The following EPS15 variants were observed in gnomAD, a reference collection of about 807,000 sequenced individuals.
The protein encoded by EPS15 is epidermal growth factor receptor pathway substrate 15.
In EPS15, 72 loss-of-function variants were observed where a neutral mutation model predicts 113.8. The ratio of observed to expected loss-of-function variants is 0.63; its 90% CI spans 0.52 to 0.77. The LOEUF is 0.77. Among genes scored for constraint, EPS15 ranks in the 30% least tolerant of loss-of-function variants. The probability of loss-of-function intolerance (pLI) is 0.00; values close to 1 mark genes in which losing one functional copy is unlikely to be tolerated. For synonymous variants in EPS15, 344 were observed against 363.4 expected (o/e 0.95, Z 0.61); for missense variants, 1,048 against 1,045.8 (o/e 1.00, Z -0.03).
At chr1:51,413,595 G>C (rs1010981409) in intron 13 of EPS15, among the ~76,000 whole-genome samples, 8 of 152,174 alleles carry the variant, frequency 5.3e-5, no homozygotes, top group Middle Eastern at 3.4e-3. Context: ...ACCCCAAACT[G>C]ACCTATGACA....
At chr1:51,455,411 G>A (rs1237638386) in intron 8 of EPS15, among the ~76,000 whole-genome samples, 5 of 152,120 alleles carry the variant, frequency 3.3e-5, no homozygotes, top group East Asian at 1.9e-4. Context: ...CCAACACGGC[G>A]AAACCCCATC....
At chr1:51,381,590 C>T (rs531436231) in intron 21 of EPS15, among the ~76,000 whole-genome samples, 4 of 152,106 alleles carry the variant, frequency 2.6e-5, no homozygotes, top group Admixed American at 2.0e-4. Flanking sequence ...GAGGCTCTAT[C>T]TCAAAATAAA....
chr1:51,435,918 T>C (rs746558102), intron 12 of EPS15, among the ~76,000 whole-genome samples: 5 of 152,114 alleles, frequency 3.3e-5, no homozygotes, highest in Admixed American at 1.3e-4. Context: ...CAAAACTTTA[T>C]AAGGTAAAAG....
intron 10 of EPS15, among the ~76,000 whole-genome samples, chr1:51,445,629 C>A (rs1443140850): frequency 6.6e-6 from 1 of 150,642 alleles, no homozygotes; most frequent in Non-Finnish European, 1.5e-5. Context: ...ACTCTACTTT[C>A]TTTTTCTGTA....
intron 8 of EPS15, chr1:51,458,554 C>T (rs6672300): frequency 0.22 from 96,167 of 440,486 alleles, 13,836 homozygotes; most frequent in African/African-American, 0.52. Flanking sequence ...CTGGCAAACA[C>T]GGCGAAACGC....
chr1:51,377,564 G>A (rs913051378), intron 21 of EPS15, among the ~76,000 whole-genome samples: 1 of 152,160 alleles, frequency 6.6e-6, no homozygotes, highest in Non-Finnish European at 1.5e-5. Flanking sequence ...AAGATGCTGT[G>A]AACATTGTTA....
In EPS15 at chr1:51,408,242, G is replaced by A. The variant is rs1363504294; in HGVS notation, c.1366C>T (p.Arg456Cys). Residue 456 changes from arginine (R) to cysteine (C), a missense_variant, in exon 15 of 25, where the codon CGT becomes TGT. By Grantham distance (180) the Arg-to-Cys change is radical. Transcript: ENST00000371733. ...AATTCTGCTGTTTCTTGCTGTAGAC[G>A]GCTCAGCTCTTCTCTAGCTTTTGCC... ...ELAKAREELS[R>C]LQQETAELEE... 2.5e-6 allele frequency: 4 copies of A among 1,613,722 alleles called. No individual in the cohort carries two copies. The highest frequency in any genetic ancestry group is 1.1e-5 in the South Asian group (1 of 91,082).
chr1:51,409,939 A>G (rs957896467), intron 13 of EPS15, among the ~76,000 whole-genome samples: 10 of 151,830 alleles, frequency 6.6e-5, no homozygotes, highest in African/African-American at 2.4e-4. Flanking sequence ...CTTTGCTAAC[A>G]TGTTGAAAAT....
At chr1:51,387,022 T>C (rs956418490) in intron 21 of EPS15, among the ~76,000 whole-genome samples, 3 of 152,002 alleles carry the variant, frequency 2.0e-5, no homozygotes. Context: ...AATTATCAGA[T>C]TCACCAAAGT....
intron 10 of EPS15, among the ~76,000 whole-genome samples, chr1:51,446,737 G>A (rs1465379346): frequency 2.6e-5 from 4 of 152,142 alleles, no homozygotes; most frequent in Non-Finnish European, 5.9e-5. Flanking sequence ...TTACAGGCGT[G>A]AGCCACCATG....
rs199978229 is a variant in EPS15 at position 51,355,883 on chromosome 1, A to C, written c.*817T>G. The C allele has an allele frequency of 3.3e-4, 66 of 197,226 alleles. No individual in the cohort carries two copies. In the East Asian group the frequency reaches 5.2e-3, roughly 16 times the overall value. 12.2% of individuals were successfully genotyped at this position (197,226 alleles called of 1,614,324 possible). On this transcript the variant is annotated 3_prime_UTR_variant, in exon 25 of 25. Coordinates refer to ENST00000371733, the MANE Select transcript of EPS15 (RefSeq NM_001981.3). Reference sequence around the variant, plus strand: ...TAAGACTTTTGCTTGCCTTATACTGATGGGTATATTTTAGGTGATAAATTT... The same window carrying C: ...TAAGACTTTTGCTTGCCTTATACTGCTGGGTATATTTTAGGTGATAAATTT...
chr1:51,375,142 C>T (rs1261354310), intron 21 of EPS15, among the ~76,000 whole-genome samples: 3 of 151,674 alleles, frequency 2.0e-5, no homozygotes, highest in Admixed American at 2.0e-4. Flanking sequence ...GCTGGGACTA[C>T]AGGTGCCCGC....
At chr1:51,413,815 C>T (rs866497828) in intron 13 of EPS15, among the ~76,000 whole-genome samples, 3 of 152,086 alleles carry the variant, frequency 2.0e-5, no homozygotes, top group African/African-American at 7.2e-5. Flanking sequence ...GTGGTATAAT[C>T]ACGGCTCACT....
Position 51,447,081 on chromosome 1 carries a change from C to T in EPS15, c.676G>A (p.Ala226Thr). 1 of 1,613,240 alleles carries T rather than the reference C, an allele frequency of 6.2e-7. No homozygotes were observed. The highest frequency in any genetic ancestry group is 1.3e-5 in the African/African-American group (1 of 74,994). The stretch of plus-strand genomic sequence containing the variant: ...TTCAGGAAGATTTCATCATATTTAG[C>T]TTTTTCTGCAGGGGATACAACCCAC... ...KTWVVSPAEKAKYDEIFLKTD... is the reference protein window; with the variant it reads ...KTWVVSPAEKTKYDEIFLKTD... Residue 226 changes from alanine to threonine, a missense_variant, in exon 10 of 25, where the codon GCT becomes ACT. Transcript: ENST00000371733.
At chr1:51,466,098 T>C (rs1294480583) in intron 5 of EPS15, among the ~76,000 whole-genome samples, 1 of 147,580 alleles carries the variant, frequency 6.8e-6, no homozygotes, top group Admixed American at 6.9e-5. Flanking sequence ...AAAAAACATG[T>C]CACCAAATAT....
rs373528900 is a variant in EPS15 at position 51,421,061 on chromosome 1, G to A, written c.1113+725C>T. Among the ~76,000 whole-genome samples the A allele has an allele frequency of 2.6e-5, 4 of 152,110 alleles. No individual in the cohort carries two copies. In the East Asian group the frequency reaches 7.7e-4, roughly 29 times the overall value. ...AAGGAAACAGTACCCCAATAACATG[G>A]CCACATGCATTGCTTACTGCTCTAA... On this transcript the variant is annotated intron_variant, in intron 13 of 24. Transcript: ENST00000371733.
At chr1:51,465,015 G>A (rs1193176853) in intron 6 of EPS15, among the ~76,000 whole-genome samples, 1 of 152,154 alleles carries the variant, frequency 6.6e-6, no homozygotes, top group Admixed American at 6.5e-5. Flanking sequence ...AAATATTTTA[G>A]TTAATACAAG....
intron 21 of EPS15, among the ~76,000 whole-genome samples, chr1:51,380,259 G>T (rs921736067): frequency 1.3e-5 from 2 of 151,818 alleles, no homozygotes; most frequent in Non-Finnish European, 2.9e-5. Context: ...ATGCTAAAGG[G>T]AGTCATTCAA....
intron 8 of EPS15, chr1:51,458,744 A>T (rs1221254120): frequency 8.4e-6 from 2 of 238,526 alleles, no homozygotes; most frequent in South Asian, 7.2e-5. Context: ...CTAAAAAAAA[A>T]AAAAATTTGT....
Sources: gnomAD v4.1 joint callset for allele counts (sites outside exome capture counted in the v4.1 genomes callset) on GRCh38, gnomAD v4.1.1 for gene constraint, MANE v1.5 for transcripts, NCBI Gene and HGNC (gene_info 2026-07-23, HGNC 2026-07-21) for gene names.